The following FAM193B variants were observed in gnomAD, a reference collection of about 807,000 sequenced individuals.
FAM193B encodes the protein family with sequence similarity 193 member B.
In FAM193B, 27 loss-of-function variants were observed where a neutral mutation model predicts 70.7. The observed-to-expected ratio is 0.38, with a 90% CI of 0.28 to 0.53. FAM193B has a LOEUF of 0.53. FAM193B is among the 20% of genes least tolerant of loss of function. FAM193B has a pLI of 0.81. For missense variants in FAM193B, 1,022 were observed against 1,072.5 expected (o/e 0.95, Z 0.66); for synonymous variants, 448 against 436.0 (o/e 1.03, Z -0.34).
chr5:177,534,048 G>A (rs1186531276), intron 4 of FAM193B, among the ~76,000 whole-genome samples: 1 of 152,216 alleles, frequency 6.6e-6, no homozygotes, highest in Admixed American at 6.5e-5. Flanking sequence ...AGCACCCATT[G>A]GGCTGGTCCC....
At chr5:177,551,990 T>G (rs1290057381) in intron 1 of FAM193B, 7 of 980,704 alleles carry the variant, frequency 7.1e-6, no homozygotes, top group Non-Finnish European at 8.5e-6. Context: ...GTTTCCCTTC[T>G]TTGGGGCTAT....
intron 1 of FAM193B, among the ~76,000 whole-genome samples, chr5:177,543,958 ATCCAGCAGCCCTG>A (rs1317216670): frequency 6.6e-6 from 1 of 152,242 alleles, no homozygotes; most frequent in African/African-American, 2.4e-5. Flanking sequence ...TGATTCTTGA[ATCCAGCAGCCCTG>A]GGCAGCAGCC....
At chr5:177,549,528 G>A (rs551193585) in intron 1 of FAM193B, among the ~76,000 whole-genome samples, 120 of 152,340 alleles carry the variant, frequency 7.9e-4, no homozygotes, top group Admixed American at 2.2e-3. Context: ...AACAAACCAA[G>A]AGGCTGAAAC....
At chr5:177,531,536 G>GGC in intron 5 of FAM193B, 1 of 1,047,042 alleles carries the variant, frequency 9.6e-7, no homozygotes, top group Non-Finnish European at 1.3e-6. Context: ...GGGTGGGGGG[G>GGC]AGGTGCTGAC....
In FAM193B at chr5:177,524,526, G is replaced by A; in HGVS notation, c.1955C>T (p.Ala652Val). The A allele has an allele frequency of 6.2e-7, 1 of 1,612,334 alleles. No homozygotes were observed. The part of the protein sequence containing the change: ...SQAKKSEASP[A>V]PRPPASLEVP... Reference sequence around the variant, plus strand: ...CTCTAGGCTGGCTGGGGGCCGGGGGGCTGGGCTTGCCTCGCTCTTCTTGGC... The same window carrying A: ...CTCTAGGCTGGCTGGGGGCCGGGGGACTGGGCTTGCCTCGCTCTTCTTGGC... Residue 652 changes from alanine (A) to valine (V), a missense_variant, in exon 6 of 9, where the codon GCC (alanine) becomes GTC (valine). Physicochemically the swap from Ala to Val is moderately conservative, Grantham distance 64 (BLOSUM62 0). Transcript: ENST00000514747.
At chr5:177,553,452 G>A in intron 1 of FAM193B, 9 of 1,097,250 alleles carry the variant, frequency 8.2e-6, no homozygotes, top group East Asian at 8.7e-5. Context: ...CAGAGCAACC[G>A]TGGCCCATGT....
chr5:177,523,159 C>T, intron 7 of FAM193B: 1 of 337,326 alleles, frequency 3.0e-6, no homozygotes, highest in South Asian at 2.1e-5. Flanking sequence ...GCCACCATAC[C>T]TGCCTTATTT....
At chr5:177,551,877 C>A (rs752625092) in intron 1 of FAM193B, among the ~76,000 whole-genome samples, 33 of 152,228 alleles carry the variant, frequency 2.2e-4, no homozygotes, top group Non-Finnish European at 3.5e-4. Context: ...AATGACTGAA[C>A]CCTACCCTTA....
At chr5:177,549,722 A>G (rs933439690) in intron 1 of FAM193B, among the ~76,000 whole-genome samples, 1 of 152,238 alleles carries the variant, frequency 6.6e-6, no homozygotes, top group African/African-American at 2.4e-5. Context: ...CCTGGCACAG[A>G]GCTGGGATCG....
At chr5:177,529,102 T>A (rs1355774405) in intron 5 of FAM193B, among the ~76,000 whole-genome samples, 1 of 151,460 alleles carries the variant, frequency 6.6e-6, no homozygotes, top group Non-Finnish European at 1.5e-5. Flanking sequence ...GGCAGGAGAG[T>A]CTTCAGTGGA....
rs1581840932 is a variant in FAM193B, at chr5:177,524,591, T to C, written c.1890A>G (p.Ser630=). 6.2e-6 allele frequency: 10 copies of C among 1,611,350 alleles called. No homozygotes were observed. The highest frequency in any genetic ancestry group is 8.5e-6 in the Non-Finnish European group (10 of 1,178,818). Residue 630 remains serine, a synonymous_variant, in exon 6 of 9, where the codon TCA becomes TCG. Transcript: ENST00000514747. ...CKQELPEPVS[S]GGKPQKGKRQ... Reference sequence around the variant, plus strand: ...TCTTGCCCTTCTGTGGCTTCCCACCTGAGGACACAGGCTCAGGCAGCTCCT... The same window carrying C: ...TCTTGCCCTTCTGTGGCTTCCCACCCGAGGACACAGGCTCAGGCAGCTCCT...
chr5:177,554,537 CTCCCCT>C lies in FAM193B; in HGVS notation c.-85_-80del. 2.6e-5 allele frequency: 23 copies of C among 886,870 alleles called. No homozygotes were observed. The highest frequency in any genetic ancestry group is 1.0e-4 in the East Asian group (1 of 9,910). 54.9% of individuals were successfully genotyped at this position (886,870 alleles called of 1,614,324 possible). ...GCCGCCGCCGCCGCCGCCGCTACCG[CTCCCCT>C]CACAGGACAACAGCCAATATGGCGG... On this transcript the variant is annotated 5_prime_UTR_variant, in exon 1 of 9. Transcript: ENST00000514747.
rs1038269737 is a variant in FAM193B at position 177,532,380 on chromosome 5, G to A, written c.1275+63C>T. The A allele has an allele frequency of 1.3e-6, 2 of 1,549,538 alleles. No homozygotes were observed. Among genetic ancestry groups the A allele is most frequent in the Non-Finnish European group, 1.7e-6 (2 of 1,150,278 alleles). On this transcript the variant is annotated intron_variant, in intron 5 of 8. Coordinates refer to ENST00000514747, the MANE Select transcript of FAM193B (RefSeq NM_001190946.3). This position sits in a 1 kb window ranked among gnomAD's most constrained non-coding sequence, Gnocchi z 4.9. ...GCAACGGGGTCTCTGGGGAGAGCAG[G>A]GTGCTCCTTTTGCTCACCTTGGCTG...
chr5:177,554,492 C>CCG lies in FAM193B; in HGVS notation c.-36_-35dup, dbSNP rs202094018. ...TCGCGCCGCTCCCTCGCTCCACACGCCGCCGCCGCCGCCGCCGCCGCCGCC... is the reference window on the plus strand; with the variant it reads ...TCGCGCCGCTCCCTCGCTCCACACGCCGCGCCGCCGCCGCCGCCGCCGCCGCC... On this transcript the variant is annotated 5_prime_UTR_variant, in exon 1 of 9. Transcript: ENST00000514747. The CCG allele has an allele frequency of 0.098, 60,924 of 618,976 alleles. 12,138 individuals carry two copies. The highest frequency in any genetic ancestry group is 0.2 in the Admixed American group (1,596 of 8,126). 38.3% of individuals were successfully genotyped at this position (618,976 alleles called of 1,614,324 possible).
At chr5:177,539,698 T>C (rs1163767452) in intron 1 of FAM193B, among the ~76,000 whole-genome samples, 1 of 152,204 alleles carries the variant, frequency 6.6e-6, no homozygotes, top group Non-Finnish European at 1.5e-5. Context: ...ATCAACTCAA[T>C]GGGAAATTGT....
At chr5:177,539,969 T>A (rs1764648497) in intron 1 of FAM193B, among the ~76,000 whole-genome samples, 1 of 151,928 alleles carries the variant, frequency 6.6e-6, no homozygotes, top group Non-Finnish European at 1.5e-5. Flanking sequence ...AATACAGTCA[T>A]TATTTGGACT....
intron 8 of FAM193B, among the ~76,000 whole-genome samples, chr5:177,520,532 C>T (rs1038296298): frequency 6.6e-6 from 1 of 151,628 alleles, no homozygotes; most frequent in African/African-American, 2.4e-5. Context: ...TGAAGAGGCT[C>T]AAAGGAGAGC....
chr5:177,533,128 GGGCTATCCATGA>G (rs1293970067), intron 4 of FAM193B, among the ~76,000 whole-genome samples: 10 of 152,130 alleles, frequency 6.6e-5, no homozygotes, highest in Non-Finnish European at 1.2e-4. Flanking sequence ...GGAACACTCA[GGGCTATCCATGA>G]GGCCAGTCTC....
intron 5 of FAM193B, among the ~76,000 whole-genome samples, chr5:177,531,036 G>T (rs564357354): frequency 6.6e-6 from 1 of 152,238 alleles, no homozygotes; most frequent in African/African-American, 2.4e-5. Flanking sequence ...ACTGACTGAA[G>T]CAAGTCCTCA....
Sources: allele counts gnomAD v4.1 joint callset (sites outside exome capture counted in the v4.1 genomes callset), GRCh38; gene constraint gnomAD v4.1.1; non-coding constraint Gnocchi (gnomAD v3.1); transcripts MANE v1.5; gene names NCBI Gene and HGNC (gene_info 2026-07-23, HGNC 2026-07-21).